HLTF: variants seen among roughly 807,000 people sequenced by gnomAD.
HLTF encodes DNA-dependent ATPase/E3 ubiquitin-protein ligase HLTF.
HLTF carries 127 observed loss-of-function variants against 129.4 expected under a neutral mutation model. The ratio of observed to expected loss-of-function variants is 0.98; its 90% CI spans 0.85 to 1.14. The LOEUF (loss-of-function observed/expected upper bound fraction) is 1.14. Ranked by LOEUF, HLTF falls within the 50% of genes most tolerant of loss-of-function variation. The pLI is 0.00. For synonymous variants in HLTF, 332 were observed against 388.8 expected (o/e 0.85, Z 1.72); for missense variants, 1,139 against 1,187.1 (o/e 0.96, Z 0.60).
At chr3:149,050,154 T>C (rs1187458450) in intron 15 of HLTF, 78 bp downstream of exon 15, 4 of 839,076 alleles carry the variant, frequency 4.8e-6, no homozygotes, top group Non-Finnish European at 6.9e-6. Flanking sequence ...AGCCTGAATT[T>C]TGGAACACTC....
chr3:149,060,735 T>C (rs1225858019), intron 11 of HLTF, 44 bp downstream of exon 11: 1 of 1,604,032 alleles, frequency 6.2e-7, no homozygotes, highest in Non-Finnish European at 8.5e-7. Flanking sequence ...AACAGGACAT[T>C]AGAATATAGG....
chr3:149,048,555 T>A (rs1716735612), intron 16 of HLTF, among the ~76,000 whole-genome samples: 1 of 152,198 alleles, frequency 6.6e-6, no homozygotes, highest in South Asian at 2.1e-4. Flanking sequence ...GGTTTGAGGA[T>A]GGGAAACAGA....
At chr3:149,054,639 A>C (rs1236694590) in intron 14 of HLTF, among the ~76,000 whole-genome samples, 1 of 152,180 alleles carries the variant, frequency 6.6e-6, no homozygotes, top group East Asian at 1.9e-4. Context: ...ATAAACAATT[A>C]ATCAAGAGGT....
intron 13 of HLTF, among the ~76,000 whole-genome samples, chr3:149,055,960 G>A (rs188221120): frequency 6.6e-6 from 1 of 152,288 alleles, no homozygotes; most frequent in Admixed American, 6.5e-5. Flanking sequence ...CAGCTGCCAC[G>A]ATGTGAGGCC....
At chr3:149,067,646 G>A (rs1217932057) in intron 8 of HLTF, among the ~76,000 whole-genome samples, 2 of 151,548 alleles carry the variant, frequency 1.3e-5, no homozygotes, top group Non-Finnish European at 2.9e-5. Flanking sequence ...GGAACTACAG[G>A]TGCCAGTCAC....
chr3:149,058,180 C>T (rs1717633442), intron 13 of HLTF, among the ~76,000 whole-genome samples: 1 of 152,146 alleles, frequency 6.6e-6, no homozygotes, highest in Non-Finnish European at 1.5e-5. Flanking sequence ...TCACTGCAGC[C>T]TTGACCTCCC....
chr3:149,050,376 C>T lies in HLTF; in HGVS notation c.1474-1G>A, dbSNP rs765493645. 1 of 1,549,974 alleles carries T rather than the reference C, an allele frequency of 6.5e-7. No individual in the cohort carries two copies. The highest frequency in any genetic ancestry group is 1.2e-5 in the South Asian group (1 of 81,766). ...ATTTTATATGTTGTCCAAACTGGTC[C>T]TAAAGAAAAATTAGGAATATTTTTA... On this transcript the variant is annotated splice_acceptor_variant, in intron 14 of 24. Transcript: ENST00000310053. LOFTEE classifies it high-confidence loss of function.
In HLTF at chr3:149,031,997, T is replaced by C. The variant is rs1304282388; in HGVS notation, c.*223A>G. 1 of 319,024 alleles carries C rather than the reference T, an allele frequency of 3.1e-6. No individual in the cohort carries two copies. Among genetic ancestry groups the C allele is most frequent in the East Asian group, 5.2e-5 (1 of 19,350 alleles). The allele number at this position is 319,024 out of a possible 1,614,324, so 19.8% of individuals were successfully genotyped here. On this transcript the variant is annotated 3_prime_UTR_variant, in exon 25 of 25. Transcript: ENST00000310053. The stretch of plus-strand genomic sequence containing the variant: ...TAACAAAGTAACCTTTTTTCTCAAA[T>C]TATTTCAGGCCACAGTATATAACGG...
At chr3:149,055,277 C>T (rs1717323534) in intron 14 of HLTF, 26 bp downstream of exon 14, 3 of 1,473,666 alleles carry the variant, frequency 2.0e-6, no homozygotes, top group South Asian at 2.3e-5. Context: ...AATTATGTTA[C>T]ATTTTTAAAG....
At chr3:149,062,959 C>G in intron 10 of HLTF, 1 of 417,776 alleles carries the variant, frequency 2.4e-6, no homozygotes, top group Non-Finnish European at 4.8e-6. Flanking sequence ...TGAGAATACT[C>G]TATCTGCCTA....
chr3:149,048,960 T>C lies in HLTF; in HGVS notation c.1659A>G (p.Arg553=). ...DSPLHSIRWL[R]VILDEGHAIR... ...TGGCATGTCCTTCATCCAGGATCAC[T>C]CTTAGCCACCTTATGCTATGTAATG... Residue 553 remains arginine (R), a synonymous_variant, in exon 16 of 25, where the codon AGA becomes AGG. Transcript: ENST00000310053. 2 of 1,609,572 alleles carry C rather than the reference T, an allele frequency of 1.2e-6. No homozygotes were observed. The highest frequency in any genetic ancestry group is 1.7e-6 in the Non-Finnish European group (2 of 1,175,978).
chr3:149,048,028 CT>C lies in HLTF; in HGVS notation c.1891del (p.Arg631GlyfsTer6). 6.3e-7 allele frequency: 1 copy of C among 1,596,244 alleles called. No homozygotes were observed. The highest frequency in any genetic ancestry group is 1.1e-5 in the South Asian group (1 of 87,340). ...TTAATCACTGTCTGAAAGTACTTAC[CT>C]AAGTCCTCCTTCATCTCCCATTGTG... The part of the protein sequence containing the change: ...PVTMGDEGGL[R>X]RLQSLIKNIT... On this transcript the variant is annotated frameshift_variant and splice_region_variant, in exon 17 of 25. Coordinates refer to ENST00000310053, the MANE Select transcript of HLTF (RefSeq NM_003071.4). LOFTEE classifies it high-confidence loss of function.
At chr3:149,066,358 T>C (rs1388701220) in intron 8 of HLTF, among the ~76,000 whole-genome samples, 1 of 152,148 alleles carries the variant, frequency 6.6e-6, no homozygotes. Context: ...GCATTATTCT[T>C]TATATTAAAA....
In HLTF at chr3:149,047,893, A is replaced by G. The variant is rs995472469; in HGVS notation, c.1892+135T>C. ...CAAGCATCACTAGGTTCTGAAAGAC[A>G]AAGGTACTGAGCCATAAACACTTTT... On this transcript the variant is annotated intron_variant, in intron 17 of 24. Transcript: ENST00000310053. 6 of 566,726 alleles carry G rather than the reference A, an allele frequency of 1.1e-5. No individual in the cohort carries two copies. The Admixed American group carries it at 1.5e-4, about 14-fold the overall frequency. The allele number at this position is 566,726 out of a possible 1,614,324, so 35.1% of individuals were successfully genotyped here. A position where few individuals can be genotyped will look rare whatever the true frequency, so the allele number is the denominator to read the frequency against.
In HLTF at chr3:149,071,262, T is replaced by C; in HGVS notation, c.884A>G (p.Asp295Gly). 1 of 1,573,070 alleles carries C rather than the reference T, an allele frequency of 6.4e-7. No homozygotes were observed. The highest frequency in any genetic ancestry group is 8.6e-7 in the Non-Finnish European group (1 of 1,159,214). Reference sequence around the variant, plus strand: ...GAAAAAAATAATTACCAAACCCATATCATCAGCTAAAATTCCTCCATGGAC... The same window carrying C: ...GAAAAAAATAATTACCAAACCCATACCATCAGCTAAAATTCCTCCATGGAC... ...ENVHGGILADDMGLGKTLTAI... is the reference protein window; with the variant it reads ...ENVHGGILADGMGLGKTLTAI... The change falls in exon 7 of 25, where the codon GAT becomes GGT. Residue 295 changes from aspartate (D) to glycine (G), a missense_variant. Coordinates refer to ENST00000310053, the MANE Select transcript of HLTF (RefSeq NM_003071.4).
rs1158478748 is a variant in HLTF at position 149,048,051 on chromosome 3, T to C, written c.1869A>G (p.Thr623=). The change falls in exon 17 of 25, where the codon ACA becomes ACG. Residue 623 remains threonine, a synonymous_variant. Coordinates refer to ENST00000310053, the MANE Select transcript of HLTF (RefSeq NM_003071.4). ...ACCTAAGTCCTCCTTCATCTCCCATTGTGACAGGACGCTGTATTGTTCTAT... is the reference window on the plus strand; with the variant it reads ...ACCTAAGTCCTCCTTCATCTCCCATCGTGACAGGACGCTGTATTGTTCTAT... ...WWHRTIQRPV[T]MGDEGGLRRL... is the part of the protein sequence containing the mutation. 3 of 1,605,950 alleles carry C rather than the reference T, an allele frequency of 1.9e-6. No homozygotes were observed. Among genetic ancestry groups the C allele is most frequent in the Non-Finnish European group, 2.5e-6 (3 of 1,177,232 alleles).
chr3:149,040,921 C>G (rs138196743), intron 20 of HLTF, among the ~76,000 whole-genome samples: 52 of 152,226 alleles, frequency 3.4e-4, no homozygotes, highest in Admixed American at 8.5e-4. Flanking sequence ...TCTACCCCAG[C>G]TGAATGACTG....
At chr3:149,071,956 G>C (rs1207489557) in intron 5 of HLTF, among the ~76,000 whole-genome samples, 1 of 152,150 alleles carries the variant, frequency 6.6e-6, no homozygotes, top group Non-Finnish European at 1.5e-5. Context: ...GGGATGCTGA[G>C]ATGGGAGGAT....
At position 149,032,127 on chromosome 3, in the gene HLTF, G is replaced by A. The variant is rs1261985384; in HGVS notation, c.*93C>T. 13 of 910,384 alleles carry A rather than the reference G, an allele frequency of 1.4e-5. No individual in the cohort carries two copies. The highest frequency in any genetic ancestry group is 6.8e-5 in the South Asian group (3 of 44,228). The allele number at this position is 910,384 out of a possible 1,614,324, so 56.4% of individuals were successfully genotyped here. A position where few individuals can be genotyped will look rare whatever the true frequency, so the allele number is the denominator to read the frequency against. On this transcript the variant is annotated 3_prime_UTR_variant, in exon 25 of 25. Transcript: ENST00000310053. ...ATAAAATATGCCCCTTTTAGAAGAC[G>A]TGTTCTCTAGATCTCATTTCTAAAA...
Sources: gnomAD v4.1 joint callset for allele counts (sites outside exome capture counted in the v4.1 genomes callset) on GRCh38, gnomAD v4.1.1 for gene constraint, MANE v1.5 for transcripts, NCBI Gene and HGNC (gene_info 2026-07-23, HGNC 2026-07-21) for gene names.